Variants in CHSY3 observed in about 807,000 individuals in gnomAD.
CHSY3 encodes chondroitin sulfate synthase 3, also known as N-acetylgalactosaminyl-proteoglycan 3-beta-glucuronosyltransferase 3.
CHSY3 carries 35 observed loss-of-function variants against 67.2 expected under a neutral mutation model. That is an observed-to-expected ratio of 0.52 (90% CI 0.40 to 0.69). CHSY3 has a LOEUF of 0.69. Ranked by LOEUF, CHSY3 falls within the 30% of genes least tolerant of loss-of-function variation. CHSY3 has a pLI of 0.00. For missense variants in CHSY3, 1,069 were observed against 1,138.5 expected, an observed-to-expected ratio of 0.94 and a Z score of 0.88; for synonymous variants, 474 against 434.7, an observed-to-expected ratio of 1.09 and a Z score of -1.12.
rs1207566734 is a variant in CHSY3, at chr5:129,996,361, C to G, written c.1086+88001C>G. On this transcript the variant is annotated intron_variant, in intron 2 of 2. Coordinates refer to ENST00000305031, the MANE Select transcript of CHSY3 (RefSeq NM_175856.5). Reference sequence around the variant, plus strand: ...GAACTTTTACAGGACTGTATTCATACACCAAATGTGAGTGTCTCAAAAAAT... The same window carrying G: ...GAACTTTTACAGGACTGTATTCATAGACCAAATGTGAGTGTCTCAAAAAAT... 3.9e-5 allele frequency among the ~76,000 whole-genome samples: 6 copies of G among 152,126 alleles called. No homozygotes were observed. In the East Asian group the frequency reaches 9.6e-4, roughly 24 times the overall value.
At chr5:130,159,223 G>T (rs1769458428) in intron 2 of CHSY3, among the ~76,000 whole-genome samples, 1 of 141,434 alleles carries the variant, frequency 7.1e-6, no homozygotes, top group Non-Finnish European at 1.5e-5. Flanking sequence ...GAGTGCAGTG[G>T]CACAATCATG....
In CHSY3 at chr5:130,185,326, C is replaced by T. The variant is rs974969471; in HGVS notation, c.2184C>T (p.Leu728=). Residue 728 remains leucine, a synonymous_variant, in exon 3 of 3, where the codon CTC becomes CTT. Coordinates refer to ENST00000305031, the MANE Select transcript of CHSY3 (RefSeq NM_175856.5). ...ACTTGATCTTCAGAGAAGATTTTCT[C>T]CAACGATGTAGAGACAATACAATTC... ...DVDLIFREDF[L]QRCRDNTIQG... 1 of 1,610,630 alleles carries T rather than the reference C, an allele frequency of 6.2e-7. No individual in the cohort carries two copies. Among genetic ancestry groups the T allele is most frequent in the Non-Finnish European group, 8.5e-7 (1 of 1,176,866 alleles).
At chr5:129,927,252 A>G (rs1453158392) in intron 2 of CHSY3, among the ~76,000 whole-genome samples, 4 of 152,024 alleles carry the variant, frequency 2.6e-5, no homozygotes, top group Admixed American at 1.3e-4. Context: ...GCCTCAATTC[A>G]TTTTAGAAAT....
chr5:129,910,578 A>T (rs1231571375), intron 2 of CHSY3, among the ~76,000 whole-genome samples: 1 of 152,026 alleles, frequency 6.6e-6, no homozygotes, highest in Non-Finnish European at 1.5e-5. Context: ...GTGAAAAAGC[A>T]TTGTTAGCAA....
At position 130,184,779 on chromosome 5, in the gene CHSY3, A is replaced by G. The variant is rs1350364506; in HGVS notation, c.1637A>G (p.Lys546Arg). The G allele has an allele frequency of 1.2e-6, 2 of 1,605,150 alleles. No individual in the cohort carries two copies. Among genetic ancestry groups the G allele is most frequent in the Admixed American group, 1.7e-5 (1 of 59,986 alleles). Reference sequence around the variant, plus strand: ...ATTTTGGATTTACTCCTTTTATACAAAAGACACAAGGGAAGGAAACTGACT... The same window carrying G: ...ATTTTGGATTTACTCCTTTTATACAGAAGACACAAGGGAAGGAAACTGACT... Reference protein sequence around the residue: ...EYILDLLLLYKRHKGRKLTVP... With the variant: ...EYILDLLLLYRRHKGRKLTVP... The change falls in exon 3 of 3, where the codon AAA becomes AGA. Residue 546 changes from lysine to arginine, a missense_variant. Around this residue, in one of 5 missense-constraint regions of CHSY3, gnomAD observed 401 missense variants for 395.2 expected, o/e 1.01. Coordinates refer to ENST00000305031, the MANE Select transcript of CHSY3 (RefSeq NM_175856.5).
intron 2 of CHSY3, among the ~76,000 whole-genome samples, chr5:130,182,651 C>T (rs1331210978): frequency 6.6e-6 from 1 of 152,108 alleles, no homozygotes; most frequent in Non-Finnish European, 1.5e-5. Context: ...TTTACATCAA[C>T]AGGTCATCCA....
chr5:130,166,812 A>G (rs767984321), intron 2 of CHSY3, among the ~76,000 whole-genome samples: 3 of 152,134 alleles, frequency 2.0e-5, no homozygotes, highest in Non-Finnish European at 2.9e-5. Context: ...AGGAAACACT[A>G]CTAATCTCCT....
chr5:129,958,802 G>A (rs1307049266), intron 2 of CHSY3, among the ~76,000 whole-genome samples: 1 of 152,124 alleles, frequency 6.6e-6, no homozygotes, highest in African/African-American at 2.4e-5. Context: ...AAAGTGCTGG[G>A]ATTATAGGAA....
intron 2 of CHSY3, among the ~76,000 whole-genome samples, chr5:129,931,626 T>C (rs1264001457): frequency 2.6e-5 from 4 of 152,184 alleles, no homozygotes; most frequent in Non-Finnish European, 5.9e-5. Flanking sequence ...GATGTATAGA[T>C]ATATAGGCCG....
chr5:130,184,009 C>T (rs967940047), intron 2 of CHSY3, among the ~76,000 whole-genome samples: 1 of 151,614 alleles, frequency 6.6e-6, no homozygotes, highest in Non-Finnish European at 1.5e-5. Flanking sequence ...TACTTCAAAA[C>T]ATGTGGTACA....
chr5:130,057,440 A>T lies in CHSY3; in HGVS notation c.1087-126789A>T, dbSNP rs535812380. 1.8e-4 allele frequency among the ~76,000 whole-genome samples: 27 copies of T among 152,250 alleles called. No homozygotes were observed. In the South Asian group the frequency reaches 5.6e-3, roughly 32 times the overall value. On this transcript the variant is annotated intron_variant, in intron 2 of 2. Transcript: ENST00000305031. The stretch of plus-strand genomic sequence containing the variant: ...TATCACTGTTTTCTGAAACTAAAAT[A>T]TATTTCTTTCCTTTGTATAGCTCAG...
chr5:129,940,218 A>G (rs3905515), intron 2 of CHSY3, among the ~76,000 whole-genome samples: 2,476 of 152,220 alleles, frequency 0.016, 68 homozygotes, highest in African/African-American at 0.055. Context: ...AGGGGATATG[A>G]GCAGGCATCT....
intron 2 of CHSY3, among the ~76,000 whole-genome samples, chr5:129,916,902 A>G (rs770668316): frequency 2.6e-5 from 4 of 152,060 alleles, no homozygotes; most frequent in African/African-American, 4.8e-5. Flanking sequence ...ATTGTAGGTC[A>G]TGAAATATCT....
At chr5:130,027,066 T>C (rs1764567491) in intron 2 of CHSY3, among the ~76,000 whole-genome samples, 1 of 152,100 alleles carries the variant, frequency 6.6e-6, no homozygotes, top group Non-Finnish European at 1.5e-5. Flanking sequence ...CTGACTAAAT[T>C]TGTGCCCCAA....
rs145822422 is a variant in CHSY3, at chr5:130,132,317, A to G, written c.1087-51912A>G. ...TATTCCTGGTGCATTCATAAATTCAATAAATACTAAGTGATTTATCATGAA... is the reference window on the plus strand; with the variant it reads ...TATTCCTGGTGCATTCATAAATTCAGTAAATACTAAGTGATTTATCATGAA... On this transcript the variant is annotated intron_variant, in intron 2 of 2. Transcript: ENST00000305031. Among the ~76,000 whole-genome samples, 299 of 152,332 alleles carry G rather than the reference A, an allele frequency of 2.0e-3. 2 individuals are homozygous for G. Among genetic ancestry groups the G allele is most frequent in the Middle Eastern group, 6.8e-3 (2 of 294 alleles).
chr5:130,077,757 CTT>C (rs766751583), intron 2 of CHSY3, among the ~76,000 whole-genome samples: 6 of 151,676 alleles, frequency 4.0e-5, no homozygotes, highest in Non-Finnish European at 8.8e-5. Flanking sequence ...CTGTGTCTAA[CTT>C]TTTAATAAAC....
At chr5:130,084,130 T>C (rs1766533464) in intron 2 of CHSY3, among the ~76,000 whole-genome samples, 5 of 152,020 alleles carry the variant, frequency 3.3e-5, no homozygotes, top group Admixed American at 1.3e-4. Flanking sequence ...TTCATATTAG[T>C]TCTATGATAT....
At chr5:129,919,924 C>T (rs1482283991) in intron 2 of CHSY3, among the ~76,000 whole-genome samples, 2 of 152,158 alleles carry the variant, frequency 1.3e-5, no homozygotes, top group East Asian at 1.9e-4. Context: ...ACCTATTCAT[C>T]ACCTCAAATA....
chr5:130,137,042 T>C (rs1269001571), intron 2 of CHSY3, among the ~76,000 whole-genome samples: 2 of 152,184 alleles, frequency 1.3e-5, no homozygotes, highest in Non-Finnish European at 2.9e-5. Flanking sequence ...TTGTTCTTTC[T>C]GTATTTTCCC....
Sources: allele counts gnomAD v4.1 joint callset (sites outside exome capture counted in the v4.1 genomes callset), GRCh38; gene constraint gnomAD v4.1.1; regional missense constraint gnomAD v4.1.1; transcripts MANE v1.5; gene names NCBI Gene and HGNC (gene_info 2026-07-23, HGNC 2026-07-21).